The following ARID5A variants were observed in gnomAD, a reference collection of about 807,000 sequenced individuals.
ARID5A encodes AT-rich interaction domain 5A.
ARID5A carries 14 observed loss-of-function variants against 30.5 expected under a neutral mutation model. That is an observed-to-expected ratio of 0.46 (90% CI 0.30 to 0.72). The LOEUF is 0.72. Ranked by LOEUF, ARID5A falls within the 30% of genes least tolerant of loss-of-function variation. ARID5A has a pLI of 0.07. For synonymous variants in ARID5A, 338 were observed against 340.4 expected (o/e 0.99, Z 0.08); for missense variants, 669 against 786.2 (o/e 0.85, Z 1.78).
At position 96,550,705 on chromosome 2, in the gene ARID5A, A is replaced by C. The variant is rs770161130; in HGVS notation, c.542A>C (p.Lys181Thr). 4 of 1,590,322 alleles carry C rather than the reference A, an allele frequency of 2.5e-6. No individual in the cohort carries two copies. The highest frequency in any genetic ancestry group is 2.6e-6 in the Non-Finnish European group (3 of 1,169,544). The change falls in exon 6 of 7, where the codon AAG becomes ACG. Residue 181 changes from lysine to threonine, a missense_variant. Coordinates refer to ENST00000357485, the MANE Select transcript of ARID5A (RefSeq NM_212481.3). This position sits in a 1 kb window ranked among gnomAD's most constrained non-coding sequence, Gnocchi z 6.6. ...GATGGGGCCACCGAGAGGCCGAAGA[A>C]GGCCAAGGAGGAGCGGCGCATGGAC... is the stretch of plus-strand genomic sequence containing the variant. The part of the protein sequence containing the change: ...GDDGATERPK[K>T]AKEERRMDQM...
chr2:96,552,572 C>G lies in ARID5A; in HGVS notation c.*259C>G, dbSNP rs761419553. 13 of 1,503,540 alleles carry G rather than the reference C, an allele frequency of 8.6e-6. No individual in the cohort carries two copies. Among genetic ancestry groups the G allele is most frequent in the Non-Finnish European group, 1.1e-5 (13 of 1,131,120 alleles). 93.1% of individuals were successfully genotyped at this position (1,503,540 alleles called of 1,614,324 possible). On this transcript the variant is annotated 3_prime_UTR_variant, in exon 7 of 7. Coordinates refer to ENST00000357485, the MANE Select transcript of ARID5A (RefSeq NM_212481.3). Reference sequence around the variant, plus strand: ...ATGGGCAGCTCCCACTGCCCCAGAGCGGAGCTCGAAGCACCCAGGTTGCCC... The same window carrying G: ...ATGGGCAGCTCCCACTGCCCCAGAGGGGAGCTCGAAGCACCCAGGTTGCCC...
At chr2:96,540,508 G>C (rs1353723241) in intron 1 of ARID5A, among the ~76,000 whole-genome samples, 1 of 152,084 alleles carries the variant, frequency 6.6e-6, no homozygotes, top group Non-Finnish European at 1.5e-5. Context: ...CTGTTATCAG[G>C]GTTTTTCTAA....
At chr2:96,542,130 C>T (rs563166049) in intron 1 of ARID5A, among the ~76,000 whole-genome samples, 1 of 152,272 alleles carries the variant, frequency 6.6e-6, no homozygotes. Flanking sequence ...CAAATATAAC[C>T]CTGATCTGTG....
Position 96,539,889 on chromosome 2 carries a change from C to T in ARID5A, c.4+3059C>T, listed in dbSNP as rs2065815943. 6.6e-6 allele frequency among the ~76,000 whole-genome samples: 1 copy of T among 152,198 alleles called. No homozygotes were observed. Among genetic ancestry groups the T allele is most frequent in the Non-Finnish European group, 1.5e-5 (1 of 68,038 alleles). On this transcript the variant is annotated intron_variant, in intron 1 of 6. Coordinates refer to ENST00000357485, the MANE Select transcript of ARID5A (RefSeq NM_212481.3). This position sits in a 1 kb window ranked among gnomAD's most constrained non-coding sequence, Gnocchi z 4.7. ...GGGAAAGGGGACAAGTTTGCATCCT[C>T]TGAGCACAGATAAGGAACTTGAGGT...
chr2:96,550,528 G>T lies in ARID5A; in HGVS notation c.411-46G>T. 7 of 1,546,832 alleles carry T rather than the reference G, an allele frequency of 4.5e-6. No homozygotes were observed. The highest frequency in any genetic ancestry group is 6.1e-6 in the Non-Finnish European group (7 of 1,145,010). On this transcript the variant is annotated intron_variant, in intron 5 of 6. Coordinates refer to ENST00000357485, the MANE Select transcript of ARID5A (RefSeq NM_212481.3). The surrounding 1 kb of genome is among the most constrained non-coding windows in gnomAD (Gnocchi z 6.6). ...GAGGAGGCTACAGAGGCCCAGGGAG[G>T]GGATGGGCGCCGGCCTCCTGGGGGA...
chr2:96,545,583 C>T lies in ARID5A; in HGVS notation c.5-1819C>T, dbSNP rs139047331. Among the ~76,000 whole-genome samples, 41 of 152,292 alleles carry T rather than the reference C, an allele frequency of 2.7e-4. 1 individual carries two copies. The Middle Eastern group carries it at 0.017, about 63-fold the overall frequency. On this transcript the variant is annotated intron_variant, in intron 1 of 6. Transcript: ENST00000357485. ...CAGCAGCAGGGTTTGAGAGGAGGGA[C>T]ATCAGTTTTGAAAGTTTTGCTGTGG...
Position 96,549,602 on chromosome 2 carries a change from G to A in ARID5A, c.259+143G>A. On this transcript the variant is annotated intron_variant, in intron 3 of 6. Coordinates refer to ENST00000357485, the MANE Select transcript of ARID5A (RefSeq NM_212481.3). The surrounding 1 kb of genome is among the most constrained non-coding windows in gnomAD (Gnocchi z 6.1). ...CCTCCAGGCTGCCACTGGGCCAGGG[G>A]TGCACAGGGCACAGCCTGCCCGTCT... 6.7e-7 allele frequency: 1 copy of A among 1,487,062 alleles called. No individual in the cohort carries two copies. Among genetic ancestry groups the A allele is most frequent in the Non-Finnish European group, 9.3e-7 (1 of 1,075,350 alleles). 92.1% of individuals were successfully genotyped at this position (1,487,062 alleles called of 1,614,324 possible).
In ARID5A at chr2:96,549,317, C is replaced by T. The variant is rs756148588; in HGVS notation, c.121-4C>T. The T allele has an allele frequency of 6.2e-7, 1 of 1,612,330 alleles. No individual in the cohort carries two copies. Among genetic ancestry groups the T allele is most frequent in the Admixed American group, 1.7e-5 (1 of 59,942 alleles). ...CATCCCAATGCCTCCTGTTCTCTCCCCAGGACTCCCCCGAGGCAGGCGGGG... is the reference window on the plus strand; with the variant it reads ...CATCCCAATGCCTCCTGTTCTCTCCTCAGGACTCCCCCGAGGCAGGCGGGG... On this transcript the variant is annotated splice_region_variant and splice_polypyrimidine_tract_variant and intron_variant, in intron 2 of 6. Coordinates refer to ENST00000357485, the MANE Select transcript of ARID5A (RefSeq NM_212481.3). The surrounding 1 kb of genome is among the most constrained non-coding windows in gnomAD (Gnocchi z 6.1).
At chr2:96,547,366 C>A in intron 1 of ARID5A, 36 bp from the exon 2 acceptor site, 2 of 1,575,214 alleles carry the variant, frequency 1.3e-6, no homozygotes, top group Non-Finnish European at 1.7e-6. Context: ...TCTCTCCCCA[C>A]CCCTTCCTCC....
rs75249016 is a variant in ARID5A, at chr2:96,539,965, G to A, written c.4+3135G>A. 0.016 allele frequency among the ~76,000 whole-genome samples: 2,464 copies of A among 152,308 alleles called. 64 individuals carry two copies. The highest frequency in any genetic ancestry group is 0.055 in the African/African-American group (2,285 of 41,560). ...AAATCTCTAGCTCTCAGGGATCAGC[G>A]TCTCTCAGGAGTCAGACTACCCTGG... On this transcript the variant is annotated intron_variant, in intron 1 of 6. Transcript: ENST00000357485. The surrounding 1 kb of genome is among the most constrained non-coding windows in gnomAD (Gnocchi z 4.7).
At chr2:96,541,556 C>T (rs2065845618) in intron 1 of ARID5A, among the ~76,000 whole-genome samples, 1 of 152,146 alleles carries the variant, frequency 6.6e-6, no homozygotes, top group South Asian at 2.1e-4. Context: ...GCATTTTACA[C>T]CATTGGAGGA....
rs534114265 is a variant in ARID5A at position 96,538,586 on chromosome 2, C to T, written c.4+1756C>T. ...CCAGCTCAACACTTGGCAGGCCCCC[C>T]TCCCCAAACTGCTGGAGCAAGCTCG... On this transcript the variant is annotated intron_variant, in intron 1 of 6. Transcript: ENST00000357485. Among the ~76,000 whole-genome samples, 20 of 152,344 alleles carry T rather than the reference C, an allele frequency of 1.3e-4. No homozygotes were observed. The East Asian group carries it at 3.3e-3, about 25-fold the overall frequency.
At chr2:96,545,163 T>C (rs563012105) in intron 1 of ARID5A, among the ~76,000 whole-genome samples, 4 of 147,740 alleles carry the variant, frequency 2.7e-5, no homozygotes, top group Admixed American at 6.7e-5. Context: ...TTTCTTTTTT[T>C]TTTTTTTTTT....
chr2:96,540,761 T>G (rs933714633), intron 1 of ARID5A, among the ~76,000 whole-genome samples: 3 of 152,264 alleles, frequency 2.0e-5, no homozygotes, highest in Non-Finnish European at 4.4e-5. Flanking sequence ...TTTGTTTGTT[T>G]GTTTTGGAGA....
chr2:96,547,154 CTTTTTTT>C (rs1204775421), intron 1 of ARID5A, among the ~76,000 whole-genome samples: 1 of 143,112 alleles, frequency 7.0e-6, no homozygotes, highest in African/African-American at 2.6e-5. Context: ...CTGGCCAATT[CTTTTTTT>C]TTTTTTAATA....
Position 96,552,163 on chromosome 2 carries a change from G to A in ARID5A, c.1635G>A (p.Ser545=), listed in dbSNP as rs758017451. ...ACTTCCTGGCCACCGCAGGCCCCTC[G>A]CCCATGGCCGCTGGCCTGATGCACT... ...PAHFLATAGP[S]PMAAGLMHFP... The change falls in exon 7 of 7, where the codon TCG becomes TCA. Residue 545 remains serine (S), a synonymous_variant. Coordinates refer to ENST00000357485, the MANE Select transcript of ARID5A (RefSeq NM_212481.3). 25 of 1,613,014 alleles carry A rather than the reference G, an allele frequency of 1.5e-5. No individual in the cohort carries two copies. The highest frequency in any genetic ancestry group is 1.6e-4 in the Middle Eastern group (1 of 6,082).
chr2:96,545,868 C>T (rs2065918670), intron 1 of ARID5A, among the ~76,000 whole-genome samples: 1 of 151,880 alleles, frequency 6.6e-6, no homozygotes, highest in Non-Finnish European at 1.5e-5. Context: ...GCAGGAGAAT[C>T]ACTTGAACCT....
chr2:96,551,515 G>A lies in ARID5A; in HGVS notation c.987G>A (p.Ala329=), dbSNP rs546933164. The A allele has an allele frequency of 1.6e-5, 25 of 1,597,502 alleles. No homozygotes were observed. The South Asian group carries it at 1.8e-4, about 11-fold the overall frequency. The change falls in exon 7 of 7, where the codon GCG becomes GCA. Residue 329 remains alanine, a synonymous_variant. Coordinates refer to ENST00000357485, the MANE Select transcript of ARID5A (RefSeq NM_212481.3). ...CAGGTGGCAGCCTCAGAGAGGAGGC[G>A]CAGGCAGGCCCCTGCCCGGCAGCCC... ...QAPGGSLREE[A]QAGPCPAAPI... is the part of the protein sequence containing the mutation.
In ARID5A at chr2:96,550,100, T is replaced by TC; in HGVS notation, c.313-87dup. The TC allele has an allele frequency of 6.5e-7, 1 of 1,531,698 alleles. No homozygotes were observed. Among genetic ancestry groups the TC allele is most frequent in the Non-Finnish European group, 8.7e-7 (1 of 1,144,614 alleles). The allele number at this position is 1,531,698 out of a possible 1,614,324, so 94.9% of individuals were successfully genotyped here. On this transcript the variant is annotated intron_variant, in intron 4 of 6. Coordinates refer to ENST00000357485, the MANE Select transcript of ARID5A (RefSeq NM_212481.3). This position sits in a 1 kb window ranked among gnomAD's most constrained non-coding sequence, Gnocchi z 6.6. ...AGAGCAGCTGCCAAACTGCAGTCCT[T>TC]CGAGTCCCTGCGAGGGCGGCCGGAG... is the stretch of plus-strand genomic sequence containing the variant.
Sources: allele counts gnomAD v4.1 joint callset (sites outside exome capture counted in the v4.1 genomes callset), GRCh38; gene constraint gnomAD v4.1.1; non-coding constraint Gnocchi (gnomAD v3.1); transcripts MANE v1.5; gene names NCBI Gene and HGNC (gene_info 2026-07-23, HGNC 2026-07-21).